MRAP2: variants seen among roughly 807,000 people sequenced by gnomAD.
MRAP2 encodes melanocortin 2 receptor accessory protein 2.
In MRAP2, 20 loss-of-function variants were observed where a neutral mutation model predicts 17.4. The observed-to-expected ratio is 1.15, with a 90% CI of 0.81 to 1.67. The LOEUF (loss-of-function observed/expected upper bound fraction) is 1.67, where lower values mean the gene tolerates loss of function less well. Ranked by LOEUF, MRAP2 falls within the 40% of genes most tolerant of loss-of-function variation. The pLI, the probability that MRAP2 is intolerant of heterozygous loss-of-function variation, is 0.00. For missense variants in MRAP2, 238 were observed against 240.0 expected (o/e 0.99, Z 0.05); for synonymous variants, 96 against 88.4 (o/e 1.09, Z -0.48).
At chr6:84,076,625 G>A (rs916738232) in intron 3 of MRAP2, among the ~76,000 whole-genome samples, 2 of 152,108 alleles carry the variant, frequency 1.3e-5, no homozygotes, top group African/African-American at 4.8e-5. Flanking sequence ...CTCCCAAAGT[G>A]CTGGGATTAC....
At chr6:84,044,760 G>A (rs2099488533) in intron 1 of MRAP2, among the ~76,000 whole-genome samples, 1 of 152,166 alleles carries the variant, frequency 6.6e-6, no homozygotes, top group South Asian at 2.1e-4. Context: ...TGAGATACTG[G>A]GTGCTAGGGC....
chr6:84,109,712 A>T, the MRAP2 span, among the ~76,000 whole-genome samples: 1 of 152,012 alleles, frequency 6.6e-6, no homozygotes, highest in South Asian at 2.1e-4. Context: ...TCAACCCGTC[A>T]TCTACATTAG....
intron 3 of MRAP2, among the ~76,000 whole-genome samples, chr6:84,086,756 G>T (rs6928551): frequency 0.14 from 20,601 of 152,154 alleles, 1,425 homozygotes; most frequent in Middle Eastern, 0.23. Flanking sequence ...CCTCAGAGGG[G>T]CTTTAATGTC....
the MRAP2 span, among the ~76,000 whole-genome samples, chr6:84,120,331 AAAGAAT>A: frequency 6.6e-6 from 1 of 152,212 alleles, no homozygotes; most frequent in Non-Finnish European, 1.5e-5. Flanking sequence ...ACATACCCAG[AAAGAAT>A]GCTTTACTAG....
chr6:84,142,165 T>A, the MRAP2 span, among the ~76,000 whole-genome samples: 1 of 152,206 alleles, frequency 6.6e-6, no homozygotes, highest in Non-Finnish European at 1.5e-5. Context: ...ATACCCTCCA[T>A]AAGATTATCT....
At chr6:84,085,340 C>A (rs1159592399) in intron 3 of MRAP2, among the ~76,000 whole-genome samples, 1 of 152,158 alleles carries the variant, frequency 6.6e-6, no homozygotes, top group African/African-American at 2.4e-5. Context: ...AGGCGTGAGA[C>A]ACCGCGCCCG....
downstream of MRAP2, among the ~76,000 whole-genome samples, chr6:84,095,247 T>G (rs1168191704): frequency 1.3e-5 from 2 of 152,306 alleles, no homozygotes; most frequent in East Asian, 3.9e-4. Flanking sequence ...TTTGTTATGC[T>G]GGATAGTAAA....
the MRAP2 span, among the ~76,000 whole-genome samples, chr6:84,141,102 T>C: frequency 3.0e-3 from 458 of 150,930 alleles, 2 homozygotes; most frequent in African/African-American, 0.01. Context: ...GCAGTAATGC[T>C]CACTCGCCCC....
chr6:84,099,386 G>T, the MRAP2 span, among the ~76,000 whole-genome samples: 1 of 151,876 alleles, frequency 6.6e-6, no homozygotes, highest in South Asian at 2.1e-4. Context: ...CACACTTCTT[G>T]TTTATTATAG....
intron 3 of MRAP2, among the ~76,000 whole-genome samples, chr6:84,083,876 C>G (rs988095917): frequency 6.6e-6 from 1 of 152,048 alleles, no homozygotes; most frequent in South Asian, 2.1e-4. Context: ...CTCTCGCTTT[C>G]GTCTGGATAT....
chr6:84,066,874 G>A (rs1248963743), intron 3 of MRAP2, among the ~76,000 whole-genome samples: 1 of 152,184 alleles, frequency 6.6e-6, no homozygotes, highest in Non-Finnish European at 1.5e-5. Flanking sequence ...GGAGATGTTA[G>A]CAAGCAACCA....
chr6:84,078,690 G>A (rs1588655695), intron 3 of MRAP2, among the ~76,000 whole-genome samples: 2 of 152,156 alleles, frequency 1.3e-5, no homozygotes, highest in East Asian at 3.9e-4. Context: ...TAGCTCTCTT[G>A]GGAATGGATT....
intron 3 of MRAP2, among the ~76,000 whole-genome samples, chr6:84,079,564 A>G (rs2099498448): frequency 6.6e-6 from 1 of 152,186 alleles, no homozygotes; most frequent in Non-Finnish European, 1.5e-5. Flanking sequence ...TTACCCATTG[A>G]TGATAAGAAT....
At chr6:84,134,999 G>GCATA in the MRAP2 span, among the ~76,000 whole-genome samples, 28 of 150,290 alleles carry the variant, frequency 1.9e-4, no homozygotes, top group African/African-American at 6.1e-4. Flanking sequence ...TCATATGCAT[G>GCATA]CATACATACA....
At position 84,033,785 on chromosome 6, in the gene MRAP2, TG is replaced by T; in HGVS notation, c.-103del. The T allele has an allele frequency of 1.0e-6, 1 of 986,706 alleles. No individual in the cohort carries two copies. Among genetic ancestry groups the T allele is most frequent in the Non-Finnish European group, 1.2e-6 (1 of 830,862 alleles). The allele number at this position is 986,706 out of a possible 1,614,324, so 61.1% of individuals were successfully genotyped here. On this transcript the variant is annotated 5_prime_UTR_variant, in exon 1 of 4. Transcript: ENST00000257776. ...GATCTAGGAGCTACTCGCCCGGCCC[TG>T]GGCGGTGGGAGGCGGCGGCGGCGGC...
At chr6:84,131,756 C>A in the MRAP2 span, among the ~76,000 whole-genome samples, 1 of 152,182 alleles carries the variant, frequency 6.6e-6, no homozygotes, top group East Asian at 1.9e-4. Flanking sequence ...AGATGGGTCT[C>A]CTGAATACAG....
At chr6:84,123,338 G>T in the MRAP2 span, among the ~76,000 whole-genome samples, 1 of 150,990 alleles carries the variant, frequency 6.6e-6, no homozygotes, top group Non-Finnish European at 1.5e-5. Flanking sequence ...TGACTTCAAG[G>T]CTATAGTAAC....
At chr6:84,038,668 C>CT (rs1163377498) in intron 1 of MRAP2, among the ~76,000 whole-genome samples, 6 of 151,722 alleles carry the variant, frequency 4.0e-5, no homozygotes, top group African/African-American at 7.3e-5. Context: ...ATTAAAAAAA[C>CT]TTTTTTTGTA....
chr6:84,071,256 T>TAC (rs1380037936), intron 3 of MRAP2, among the ~76,000 whole-genome samples: 1 of 152,212 alleles, frequency 6.6e-6, no homozygotes, highest in Non-Finnish European at 1.5e-5. Context: ...CTTTTAGCAG[T>TAC]TCTTGTAGTG....
Sources: allele counts gnomAD v4.1 joint callset (sites outside exome capture counted in the v4.1 genomes callset), GRCh38; gene constraint gnomAD v4.1.1; transcripts MANE v1.5; gene names NCBI Gene and HGNC (gene_info 2026-07-23, HGNC 2026-07-21).